MASP1: variants seen among roughly 807,000 people sequenced by gnomAD.
The protein encoded by MASP1 is MBL associated serine protease 1.
Under a neutral mutation model 77.1 loss-of-function variants are expected in MASP1, and 59 were observed. The observed-to-expected ratio is 0.77, with a 90% CI of 0.62 to 0.95. The LOEUF is 0.95. Ranked by LOEUF, MASP1 falls within the 40% of genes least tolerant of loss-of-function variation. The probability of loss-of-function intolerance (pLI) is 0.00; values close to 1 mark genes in which losing one functional copy is unlikely to be tolerated. For synonymous variants in MASP1, 362 were observed against 354.5 expected (o/e 1.02, Z -0.24); for missense variants, 885 against 912.9 (o/e 0.97, Z 0.39).
chr3:187,291,564 C>G, intron 1 of MASP1, 64 bp downstream of exon 1: 1 of 1,608,454 alleles, frequency 6.2e-7, no homozygotes, highest in Non-Finnish European at 8.5e-7. Flanking sequence ...AAGGTCAGAC[C>G]TTCCCTGCTA....
Position 187,234,575 on chromosome 3 carries a change from T to C in MASP1, c.*1109A>G. The C allele has an allele frequency of 7.8e-7, 1 of 1,287,266 alleles. No homozygotes were observed. The highest frequency in any genetic ancestry group is 1.2e-5 in the South Asian group (1 of 80,942). The allele number at this position is 1,287,266 out of a possible 1,614,324, so 79.7% of individuals were successfully genotyped here. On this transcript the variant is annotated 3_prime_UTR_variant, in exon 11 of 11. Coordinates refer to ENST00000296280, the MANE Select transcript of MASP1 (RefSeq NM_139125.4). Reference sequence around the variant, plus strand: ...TCACTGCCTGCCATGGGTGAGCCTCTGATTCCTTTGACTCTGAAAAATGAA... The same window carrying C: ...TCACTGCCTGCCATGGGTGAGCCTCCGATTCCTTTGACTCTGAAAAATGAA...
rs1398552316 is a variant in MASP1 at position 187,262,524 on chromosome 3, A to G, written c.415+19T>C. 1.2e-6 allele frequency: 2 copies of G among 1,613,168 alleles called. No homozygotes were observed. The highest frequency in any genetic ancestry group is 1.7e-6 in the Non-Finnish European group (2 of 1,179,252). ...AGAGAGAGAGAGAGACCTGAGGATG[A>G]GTCACTTCTCCAACTTACCCACAGC... On this transcript the variant is annotated intron_variant, in intron 3 of 10. Transcript: ENST00000296280.
chr3:187,281,330 CT>C (rs5855130), intron 2 of MASP1, among the ~76,000 whole-genome samples: 27,566 of 152,178 alleles, frequency 0.18, 2,590 homozygotes, highest in African/African-American at 0.22. Context: ...ATCATCGCCC[CT>C]ATGGGCCTGG....
chr3:187,283,262 G>A (rs567303036), intron 2 of MASP1, among the ~76,000 whole-genome samples: 111 of 152,342 alleles, frequency 7.3e-4, no homozygotes, highest in Non-Finnish European at 2.6e-4. Flanking sequence ...ATCTATTCCA[G>A]TGTCTTTAAT....
At position 187,236,081 on chromosome 3, in the gene MASP1, T is replaced by C. The variant is rs371311188; in HGVS notation, c.1790A>G (p.Asn597Ser). ...GATCTCATCCACTGTCACATTGGGA[T>C]TGGAGATGCCCCAGCCGGCCACCAG... ...LGLVAGWGIS[N>S]PNVTVDEIIS... The change falls in exon 11 of 11, where the codon AAT becomes AGT. Residue 597 changes from asparagine (N) to serine (S), a missense_variant. Asn to Ser is a conservative substitution (Grantham distance 46). Coordinates refer to ENST00000296280, the MANE Select transcript of MASP1 (RefSeq NM_139125.4). The C allele has an allele frequency of 9.9e-6, 16 of 1,614,048 alleles. No homozygotes were observed. In the African/African-American group the frequency reaches 1.3e-4, roughly 13 times the overall value.
intron 12 of MASP1, among the ~76,000 whole-genome samples, chr3:187,225,801 A>T (rs1016203636): frequency 2.0e-5 from 3 of 152,200 alleles, no homozygotes; most frequent in Non-Finnish European, 4.4e-5. Flanking sequence ...GCCTGTGTCA[A>T]ACATGACCTC....
intron 2 of MASP1, among the ~76,000 whole-genome samples, chr3:187,284,204 C>T (rs1033211276): frequency 1.3e-5 from 2 of 152,146 alleles, no homozygotes; most frequent in Admixed American, 6.6e-5. Context: ...TTTCAAGACT[C>T]ATCTTTCTTT....
At chr3:187,226,396 C>A in intron 12 of MASP1, 1 of 1,587,844 alleles carries the variant, frequency 6.3e-7, no homozygotes, top group East Asian at 2.3e-5. Flanking sequence ...GCTTGCCCCT[C>A]ACTCACTCAC....
chr3:187,224,621 C>T (rs1189876003), intron 13 of MASP1, among the ~76,000 whole-genome samples: 1 of 152,048 alleles, frequency 6.6e-6, no homozygotes, highest in Non-Finnish European at 1.5e-5. Context: ...GCTGGGATTA[C>T]AGGCGTGAGC....
chr3:187,246,875 A>C (rs1270798985), intron 8 of MASP1: 1 of 1,023,638 alleles, frequency 9.8e-7, no homozygotes, highest in Non-Finnish European at 1.2e-6. Context: ...ATGGTGGTTA[A>C]GAAAGCAGCA....
chr3:187,285,281 T>G (rs147912633), intron 2 of MASP1, among the ~76,000 whole-genome samples: 4 of 152,234 alleles, frequency 2.6e-5, no homozygotes, highest in Non-Finnish European at 5.9e-5. Context: ...TACCCACACT[T>G]TTTGCTGATA....
At chr3:187,228,218 C>T (rs996203867) in intron 11 of MASP1, among the ~76,000 whole-genome samples, 10 of 147,080 alleles carry the variant, frequency 6.8e-5, no homozygotes, top group Admixed American at 2.1e-4. Context: ...ACCCGAGAGG[C>T]GGAGGTTGCA....
At chr3:187,260,685 T>A in intron 4 of MASP1, 56 bp downstream of exon 4, 1 of 1,609,778 alleles carries the variant, frequency 6.2e-7, no homozygotes, top group Non-Finnish European at 8.5e-7. Flanking sequence ...CCTCATCTAA[T>A]GTTATTGAGG....
chr3:187,262,741 G>A (rs993217012), intron 2 of MASP1, 21 bp from the exon 3 acceptor site: 4 of 1,611,400 alleles, frequency 2.5e-6, no homozygotes, highest in Non-Finnish European at 3.4e-6. Context: ...AAAGAGAAAG[G>A]GAACAAGATG....
At chr3:187,222,112 T>A (rs913934941) in intron 14 of MASP1, among the ~76,000 whole-genome samples, 2 of 152,182 alleles carry the variant, frequency 1.3e-5, no homozygotes, top group Non-Finnish European at 2.9e-5. Flanking sequence ...TGAGGACAGA[T>A]CCTCAGCAAC....
intron 15 of MASP1, among the ~76,000 whole-genome samples, chr3:187,220,553 A>G (rs1711995062): frequency 7.3e-6 from 1 of 136,198 alleles, no homozygotes; most frequent in Admixed American, 8.2e-5. Flanking sequence ...GCTAGAGTGC[A>G]GTGGCACGAT....
At chr3:187,222,533 C>A (rs1480216635) in intron 14 of MASP1, among the ~76,000 whole-genome samples, 1 of 152,196 alleles carries the variant, frequency 6.6e-6, no homozygotes, top group Non-Finnish European at 1.5e-5. Context: ...CCAAGCAACT[C>A]TTTGATGGCA....
chr3:187,237,131 A>G (rs1200111898), intron 10 of MASP1, among the ~76,000 whole-genome samples: 1 of 152,206 alleles, frequency 6.6e-6, no homozygotes, highest in Admixed American at 6.5e-5. Context: ...CTGAGTCAGC[A>G]AATATCCCTC....
chr3:187,222,836 G>T (rs1579456614), intron 14 of MASP1, among the ~76,000 whole-genome samples: 1 of 152,150 alleles, frequency 6.6e-6, no homozygotes, highest in Non-Finnish European at 1.5e-5. Flanking sequence ...TCACCATGGG[G>T]GTGTCTAAAC....
Sources: allele counts gnomAD v4.1 joint callset (sites outside exome capture counted in the v4.1 genomes callset), GRCh38; gene constraint gnomAD v4.1.1; transcripts MANE v1.5; gene names NCBI Gene and HGNC (gene_info 2026-07-23, HGNC 2026-07-21).